The following TCF7L1 variants were observed in gnomAD, a reference collection of about 807,000 sequenced individuals.
TCF7L1 encodes transcription factor 7-like 1.
In TCF7L1, 18 loss-of-function variants were observed where a neutral mutation model predicts 63.7. That is an observed-to-expected ratio of 0.28 (90% confidence interval 0.20 to 0.42). The LOEUF (loss-of-function observed/expected upper bound fraction) is 0.42, where lower values mean the gene tolerates loss of function less well. TCF7L1 is among the 10% of genes least tolerant of loss of function. The pLI is 1.00. For missense variants in TCF7L1, 654 were observed against 779.3 expected (o/e 0.84, Z 1.91); for synonymous variants, 355 against 340.9 (o/e 1.04, Z -0.46).
chr2:85,239,678 C>T (rs2104322255), intron 3 of TCF7L1, among the ~76,000 whole-genome samples: 1 of 152,268 alleles, frequency 6.6e-6, no homozygotes, highest in South Asian at 2.1e-4. Context: ...CGCAGTGGCT[C>T]ATGCCTGTAA....
At chr2:85,233,316 ATT>A (rs11345481) in intron 3 of TCF7L1, among the ~76,000 whole-genome samples, 10,583 of 134,468 alleles carry the variant, frequency 0.079, 598 homozygotes, top group African/African-American at 0.16. Context: ...AAATTCAGAG[ATT>A]TTTTTTTTTT....
intron 4 of TCF7L1, among the ~76,000 whole-genome samples, chr2:85,299,323 G>C (rs1223126631): frequency 6.7e-6 from 1 of 149,016 alleles, no homozygotes; most frequent in Non-Finnish European, 1.5e-5. Context: ...GCTGAGGCAG[G>C]GGGATCGCCT....
At chr2:85,250,459 C>A (rs1680561900) in intron 3 of TCF7L1, among the ~76,000 whole-genome samples, 1 of 150,936 alleles carries the variant, frequency 6.6e-6, no homozygotes, top group African/African-American at 2.4e-5. Flanking sequence ...TTTTTTGAGA[C>A]AGAGTCTCGC....
At chr2:85,230,768 C>G (rs1329819419) in intron 3 of TCF7L1, among the ~76,000 whole-genome samples, 1 of 152,166 alleles carries the variant, frequency 6.6e-6, no homozygotes, top group Non-Finnish European at 1.5e-5. Context: ...TGTGGGGCAG[C>G]CTTGTTATTG....
chr2:85,309,604 A>G lies in TCF7L1; in HGVS notation c.*142A>G. On this transcript the variant is annotated 3_prime_UTR_variant, in exon 12 of 12. Coordinates refer to ENST00000282111, the MANE Select transcript of TCF7L1 (RefSeq NM_031283.3). ...GTGGCTGGTAACAACAGCACTTTAC[A>G]GTTTGTAGATGTAACCAGTAGCTGA... is the stretch of plus-strand genomic sequence containing the variant. 1 of 747,614 alleles carries G rather than the reference A, an allele frequency of 1.3e-6. No individual in the cohort carries two copies. The highest frequency in any genetic ancestry group is 2.0e-6 in the Non-Finnish European group (1 of 507,002). 46.3% of individuals were successfully genotyped at this position (747,614 alleles called of 1,614,324 possible). A position where few individuals can be genotyped will look rare whatever the true frequency, so the allele number is the denominator to read the frequency against.
intron 3 of TCF7L1, among the ~76,000 whole-genome samples, chr2:85,187,422 C>T: frequency 6.6e-6 from 1 of 152,140 alleles, no homozygotes; most frequent in East Asian, 1.9e-4. Flanking sequence ...CTCATGTGCC[C>T]TGTGTTTCTT....
chr2:85,263,633 A>G (rs1166312882), intron 3 of TCF7L1, among the ~76,000 whole-genome samples: 1 of 152,178 alleles, frequency 6.6e-6, no homozygotes, highest in Non-Finnish European at 1.5e-5. Flanking sequence ...GCCTTGGTTG[A>G]TAGGATGTAG....
At chr2:85,182,486 A>G (rs142085934) in intron 3 of TCF7L1, among the ~76,000 whole-genome samples, 146 of 152,268 alleles carry the variant, frequency 9.6e-4, no homozygotes, top group Admixed American at 2.4e-3. Flanking sequence ...CTGTGAAGGA[A>G]TGAATGAAGT....
In TCF7L1 at chr2:85,306,670, T is replaced by C. The variant is rs1682116215; in HGVS notation, c.1257+111T>C. On this transcript the variant is annotated intron_variant, in intron 10 of 11. Coordinates refer to ENST00000282111, the MANE Select transcript of TCF7L1 (RefSeq NM_031283.3). The surrounding 1 kb of genome is among the most constrained non-coding windows in gnomAD (Gnocchi z 4.3). ...TTATTTTTATTTATTTTATTTTCTTTTATTTTTTGAGACAGAGGCTCACCC... is the reference window on the plus strand; with the variant it reads ...TTATTTTTATTTATTTTATTTTCTTCTATTTTTTGAGACAGAGGCTCACCC... The C allele has an allele frequency of 1.1e-6, 1 of 941,362 alleles. No homozygotes were observed. The highest frequency in any genetic ancestry group is 2.8e-5 in the Admixed American group (1 of 35,912). The allele number at this position is 941,362 out of a possible 1,614,324, so 58.3% of individuals were successfully genotyped here.
At chr2:85,283,265 T>TCCTC (rs1553406717) in intron 3 of TCF7L1, among the ~76,000 whole-genome samples, 10 of 109,748 alleles carry the variant, frequency 9.1e-5, no homozygotes, top group Admixed American at 6.9e-4. Context: ...GTCATTCGTG[T>TCCTC]CCCCCCCCCC....
At chr2:85,141,395 C>CGCCAAGCT (rs1427825566) in intron 3 of TCF7L1, among the ~76,000 whole-genome samples, 1 of 152,126 alleles carries the variant, frequency 6.6e-6, no homozygotes, top group Non-Finnish European at 1.5e-5. Context: ...ATAGCCAAGG[C>CGCCAAGCT]GCCAAGCTGC....
In TCF7L1 at chr2:85,233,609, C is replaced by G. The variant is rs1573002409; in HGVS notation, c.442-49886C>G. Among the ~76,000 whole-genome samples the G allele has an allele frequency of 2.0e-5, 3 of 152,258 alleles. No individual in the cohort carries two copies. In the South Asian group the frequency reaches 6.2e-4, roughly 32 times the overall value. On this transcript the variant is annotated intron_variant, in intron 3 of 11. Transcript: ENST00000282111. The stretch of plus-strand genomic sequence containing the variant: ...GATTACCAGCGTGAGCCACTGCACT[C>G]AGCCAGAGAATTATTTTTAACATGC...
At chr2:85,190,276 G>A (rs921198611) in intron 3 of TCF7L1, among the ~76,000 whole-genome samples, 3 of 152,158 alleles carry the variant, frequency 2.0e-5, no homozygotes, top group African/African-American at 7.2e-5. Context: ...AAAAGACTGG[G>A]CTCACCTCTT....
At chr2:85,246,346 C>A (rs1033234070) in intron 3 of TCF7L1, among the ~76,000 whole-genome samples, 2 of 152,116 alleles carry the variant, frequency 1.3e-5, no homozygotes, top group African/African-American at 4.8e-5. Flanking sequence ...TATTTGGGGG[C>A]CTGGGAGAGG....
chr2:85,133,842 G>A lies in TCF7L1; in HGVS notation c.158G>A (p.Ser53Asn). Residue 53 changes from serine to asparagine, a missense_variant, in exon 1 of 12, where the codon AGC becomes AAC. Ser to Asn is a conservative substitution (Grantham distance 46, BLOSUM62 1). Transcript: ENST00000282111. The surrounding 1 kb of genome is among the most constrained non-coding windows in gnomAD (Gnocchi z 4.4). ...DEGGEEQEPS[S>N]DSASAQRDLD... is the part of the protein sequence containing the mutation. ...GGGGGCGAGGAGCAGGAGCCGAGCA[G>A]CGATAGCGCCTCGGCGCAGCGGGAC... 1 of 1,507,924 alleles carries A rather than the reference G, an allele frequency of 6.6e-7. No homozygotes were observed. The highest frequency in any genetic ancestry group is 8.9e-7 in the Non-Finnish European group (1 of 1,128,002). 93.4% of individuals were successfully genotyped at this position (1,507,924 alleles called of 1,614,324 possible).
chr2:85,138,612 T>C (rs553485159), intron 3 of TCF7L1, among the ~76,000 whole-genome samples: 12 of 152,296 alleles, frequency 7.9e-5, no homozygotes, highest in Non-Finnish European at 1.5e-4. Flanking sequence ...TGGGGTGATA[T>C]TGGTGACAAA....
At chr2:85,301,601 G>GTAAAGGTAAAA (rs1681975166) in intron 4 of TCF7L1, among the ~76,000 whole-genome samples, 1 of 152,156 alleles carries the variant, frequency 6.6e-6, no homozygotes, top group South Asian at 2.1e-4. Flanking sequence ...AAATAATGGT[G>GTAAAGGTAAAA]CTCCTTCCAT....
chr2:85,237,879 A>G (rs1680230643), intron 3 of TCF7L1, among the ~76,000 whole-genome samples: 1 of 151,986 alleles, frequency 6.6e-6, no homozygotes. Flanking sequence ...CTCTTCACAT[A>G]TGGAGGACAT....
chr2:85,244,544 T>C (rs904550989), intron 3 of TCF7L1, among the ~76,000 whole-genome samples: 1 of 151,808 alleles, frequency 6.6e-6, no homozygotes, highest in Non-Finnish European at 1.5e-5. Flanking sequence ...TCCTGGGCAG[T>C]GGGAAAGAAG....
Sources: gnomAD v4.1 joint callset for allele counts (sites outside exome capture counted in the v4.1 genomes callset) on GRCh38, gnomAD v4.1.1 for gene constraint, Gnocchi (gnomAD v3.1) non-coding constraint, MANE v1.5 for transcripts, NCBI Gene and HGNC (gene_info 2026-07-23, HGNC 2026-07-21) for gene names.